Variants in IKZF2 observed in about 807,000 individuals in gnomAD.
The protein encoded by IKZF2 is IKAROS family zinc finger 2.
IKZF2 carries 15 observed loss-of-function variants against 49.2 expected under a neutral mutation model. The observed-to-expected ratio is 0.30, with a 90% CI of 0.20 to 0.47. The LOEUF is 0.47. Ranked by LOEUF, IKZF2 falls within the 20% of genes least tolerant of loss-of-function variation. IKZF2 has a pLI of 1.00. For synonymous variants in IKZF2, 227 were observed against 221.4 expected, an observed-to-expected ratio of 1.03 and a Z score of -0.23; for missense variants, 567 against 664.6, an observed-to-expected ratio of 0.85 and a Z score of 1.61.
chr2:213,043,866 T>C (rs1453860303), intron 6 of IKZF2, among the ~76,000 whole-genome samples: 1 of 152,248 alleles, frequency 6.6e-6, no homozygotes, highest in Non-Finnish European at 1.5e-5. Context: ...GGTACTGGTC[T>C]GCAGCCAGGA....
intron 6 of IKZF2, among the ~76,000 whole-genome samples, chr2:213,025,239 C>T (rs1177411341): frequency 6.6e-6 from 1 of 152,128 alleles, no homozygotes; most frequent in Non-Finnish European, 1.5e-5. Flanking sequence ...ATATGCATCC[C>T]TTCAGATATT....
intron 4 of IKZF2, among the ~76,000 whole-genome samples, chr2:213,068,912 A>AACACACAC (rs3069572): frequency 0.04 from 5,949 of 147,208 alleles, 164 homozygotes; most frequent in East Asian, 0.077. Context: ...GGAGGGAGAA[A>AACACACAC]ACACACACAC....
chr2:213,120,903 G>A (rs2060034273), intron 4 of IKZF2, among the ~76,000 whole-genome samples: 1 of 152,098 alleles, frequency 6.6e-6, no homozygotes, highest in African/African-American at 2.4e-5. Flanking sequence ...ACAACGCCCA[G>A]CTAATTTTTT....
chr2:213,074,922 T>C (rs1338844448), intron 4 of IKZF2, among the ~76,000 whole-genome samples: 1 of 152,162 alleles, frequency 6.6e-6, no homozygotes, highest in Non-Finnish European at 1.5e-5. Context: ...CAGACAAGCA[T>C]GGATCCTGAA....
In IKZF2 at chr2:213,049,699, T is replaced by G; in HGVS notation, c.574+14A>C. On this transcript the variant is annotated intron_variant, in intron 6 of 8. Coordinates refer to ENST00000434687, the MANE Select transcript of IKZF2 (RefSeq NM_001387220.1). ...CTGTTTTACTTTTCTTCTCAAGGAG[T>G]TGGTGACACTTACCAGAATGGGTCC... 1 of 1,525,304 alleles carries G rather than the reference T, an allele frequency of 6.6e-7. No homozygotes were observed. Among genetic ancestry groups the G allele is most frequent in the Non-Finnish European group, 8.8e-7 (1 of 1,131,210 alleles). 94.5% of individuals were successfully genotyped at this position (1,525,304 alleles called of 1,614,324 possible).
intron 4 of IKZF2, among the ~76,000 whole-genome samples, chr2:213,101,719 T>G (rs1032769595): frequency 6.6e-6 from 1 of 152,168 alleles, no homozygotes; most frequent in East Asian, 1.9e-4. Context: ...TAAGAGTATT[T>G]TTAATCAGTC....
At position 213,057,019 on chromosome 2, in the gene IKZF2, G is replaced by A; in HGVS notation, c.220C>T (p.His74Tyr). The A allele has an allele frequency of 6.2e-7, 1 of 1,613,774 alleles. No homozygotes were observed. The highest frequency in any genetic ancestry group is 1.3e-5 in the African/African-American group (1 of 74,970). The change falls in exon 5 of 9, where the codon CAT (histidine) becomes TAT (tyrosine). Residue 74 changes from histidine (H) to tyrosine (Y), a missense_variant. Around this residue, in one of 5 missense-constraint regions of IKZF2, gnomAD observed 156 missense variants for 138.5 expected, o/e 1.13. Coordinates refer to ENST00000434687, the MANE Select transcript of IKZF2 (RefSeq NM_001387220.1). ...TCTTCTAGGCTGCTACCCTCATCAT[G>A]GCCCCTGATCTCATCTTCACGGCTC... The part of the protein sequence containing the change: ...PLSREDEIRG[H>Y]DEGSSLEEPL...
intron 4 of IKZF2, among the ~76,000 whole-genome samples, chr2:213,142,953 A>G (rs2060924014): frequency 6.6e-6 from 1 of 151,994 alleles, no homozygotes; most frequent in Non-Finnish European, 1.5e-5. Context: ...ATCAAAACAG[A>G]GGTATATTGG....
intron 4 of IKZF2, 29 bp downstream of exon 4, chr2:213,147,679 C>CA (rs1491528478): frequency 3.4e-6 from 5 of 1,460,458 alleles, no homozygotes; most frequent in African/African-American, 1.4e-5. Flanking sequence ...CACACACACA[C>CA]AAAAAAAAAT....
intron 4 of IKZF2, among the ~76,000 whole-genome samples, chr2:213,090,937 T>C (rs1254095847): frequency 1.3e-5 from 2 of 152,106 alleles, no homozygotes; most frequent in Non-Finnish European, 2.9e-5. Flanking sequence ...ACCCAGTCTG[T>C]GGTAGTTCGT....
At chr2:213,035,783 C>T (rs961461387) in intron 6 of IKZF2, among the ~76,000 whole-genome samples, 5 of 152,088 alleles carry the variant, frequency 3.3e-5, no homozygotes. Context: ...ATTATAAAAG[C>T]AATGGAAAAC....
intron 4 of IKZF2, among the ~76,000 whole-genome samples, chr2:213,086,768 G>A (rs1402651305): frequency 6.6e-6 from 1 of 152,124 alleles, no homozygotes; most frequent in East Asian, 1.9e-4. Context: ...ACATTCCCTA[G>A]AGAGTTTAGT....
At chr2:213,083,384 CTTT>C (rs753296985) in intron 4 of IKZF2, among the ~76,000 whole-genome samples, 2 of 80,148 alleles carry the variant, frequency 2.5e-5, no homozygotes, top group African/African-American at 6.0e-5. Context: ...GACGGCGAAC[CTTT>C]TTTTTTTTTT....
intron 4 of IKZF2, among the ~76,000 whole-genome samples, chr2:213,058,462 T>C (rs991443032): frequency 2.5e-4 from 38 of 151,968 alleles, no homozygotes; most frequent in African/African-American, 8.4e-4. Flanking sequence ...AATGTGCTTA[T>C]CTTTTTTTTC....
chr2:213,140,591 A>T (rs2060830379), intron 4 of IKZF2, among the ~76,000 whole-genome samples: 1 of 151,958 alleles, frequency 6.6e-6, no homozygotes, highest in South Asian at 2.1e-4. Context: ...TATGGCATAC[A>T]TTAATCTTAT....
At chr2:213,019,760 G>A (rs1474383522) in intron 7 of IKZF2, among the ~76,000 whole-genome samples, 1 of 152,116 alleles carries the variant, frequency 6.6e-6, no homozygotes, top group African/African-American at 2.4e-5. Flanking sequence ...CTTGGTTCCA[G>A]CTTCAGCACC....
At chr2:213,033,874 G>A (rs1002856764) in intron 6 of IKZF2, among the ~76,000 whole-genome samples, 1 of 152,132 alleles carries the variant, frequency 6.6e-6, no homozygotes, top group Non-Finnish European at 1.5e-5. Context: ...TTTTAACCCA[G>A]GCACTGACTT....
chr2:213,145,718 T>A (rs2061034170), intron 4 of IKZF2, among the ~76,000 whole-genome samples: 1 of 152,064 alleles, frequency 6.6e-6, no homozygotes. Flanking sequence ...ACATAAAGGA[T>A]GCAAGAGACA....
intron 6 of IKZF2, among the ~76,000 whole-genome samples, chr2:213,028,021 C>T (rs914990986): frequency 6.6e-6 from 1 of 152,066 alleles, no homozygotes; most frequent in Non-Finnish European, 1.5e-5. Flanking sequence ...CATCGATTCA[C>T]ATAATTACTA....
Sources: allele counts gnomAD v4.1 joint callset (sites outside exome capture counted in the v4.1 genomes callset), GRCh38; gene constraint gnomAD v4.1.1; regional missense constraint gnomAD v4.1.1; transcripts MANE v1.5; gene names NCBI Gene and HGNC (gene_info 2026-07-23, HGNC 2026-07-21).